Variants in SPACA9 observed in about 807,000 individuals in gnomAD.
SPACA9 encodes the protein sperm acrosome associated 9, also known as sperm acrosome-associated protein 9.
A neutral mutation model predicts 12.5 loss-of-function variants in SPACA9; 14 were observed. The observed-to-expected ratio is 1.12, with a 90% CI of 0.74 to 1.75. The LOEUF (loss-of-function observed/expected upper bound fraction) is 1.75. Among genes scored for constraint, SPACA9 ranks in the 40% most tolerant of loss-of-function variants. The pLI is 0.00. For synonymous variants in SPACA9, 111 were observed against 114.1 expected (o/e 0.97, Z 0.17); for missense variants, 292 against 291.9 (o/e 1.00, Z 0.00).
intron 2 of SPACA9, 27 bp downstream of exon 2, chr9:132,884,118 C>A (rs377550537): frequency 1.2e-5 from 19 of 1,605,100 alleles, no homozygotes; most frequent in Middle Eastern, 3.4e-4. Flanking sequence ...CCACCCCGGC[C>A]GAGGGGCAAC....
In SPACA9 at chr9:132,884,202, G is replaced by A. The variant is rs1377955419; in HGVS notation, c.144+111G>A. ...GGGAAGGACGTTTGCGCCAGAATTAGGACCCGGACCCAGAACCTAAATGAT... is the reference window on the plus strand; with the variant it reads ...GGGAAGGACGTTTGCGCCAGAATTAAGACCCGGACCCAGAACCTAAATGAT... On this transcript the variant is annotated intron_variant, in intron 2 of 3. Coordinates refer to ENST00000356311, the MANE Select transcript of SPACA9 (RefSeq NM_001316897.2). 3.6e-6 allele frequency: 4 copies of A among 1,126,076 alleles called. No homozygotes were observed. The Admixed American group carries it at 1.0e-4, about 29-fold the overall frequency. 69.8% of individuals were successfully genotyped at this position (1,126,076 alleles called of 1,614,324 possible).
rs200219145 is a variant in SPACA9 at position 132,887,327 on chromosome 9, G to A, written c.145-42G>A. 171 of 1,579,988 alleles carry A rather than the reference G, an allele frequency of 1.1e-4. No individual in the cohort carries two copies. The highest frequency in any genetic ancestry group is 1.3e-4 in the Non-Finnish European group (155 of 1,159,546). ...TTGCACCATAAGCCAGCCAGGACCC[G>A]GGTTGGCATGTCCCCAGCTCATGTG... On this transcript the variant is annotated intron_variant, in intron 2 of 3. Transcript: ENST00000356311. This position sits in a 1 kb window ranked among gnomAD's most constrained non-coding sequence, Gnocchi z 5.4.
chr9:132,884,169 C>A, intron 2 of SPACA9, 78 bp downstream of exon 2: 1 of 1,505,378 alleles, frequency 6.6e-7, no homozygotes, highest in Non-Finnish European at 9.1e-7. Context: ...CCACTGGGGC[C>A]CAGAGAGGGG....
At chr9:132,878,669 G>T, upstream of SPACA9, 1 of 998,382 alleles carries the variant, frequency 1.0e-6, no homozygotes, top group Non-Finnish European at 1.2e-6. The surrounding 1 kb of genome is among the most constrained non-coding windows in gnomAD (Gnocchi z 4.7). Context: ...ACAGACGCGG[G>T]AATAAATGTG....
chr9:132,882,470 T>TA (rs1844455005), intron 1 of SPACA9, among the ~76,000 whole-genome samples: 1 of 151,140 alleles, frequency 6.6e-6, no homozygotes, highest in African/African-American at 2.4e-5. Flanking sequence ...CTCTTTTTTT[T>TA]TTTTTTTTTT....
chr9:132,881,660 A>G (rs966761101), intron 1 of SPACA9, among the ~76,000 whole-genome samples: 1 of 137,442 alleles, frequency 7.3e-6, no homozygotes, highest in African/African-American at 2.5e-5. Flanking sequence ...CAGCTACTCA[A>G]GATGCTTTTT....
chr9:132,890,002 C>T lies in SPACA9; in HGVS notation c.*1391C>T, dbSNP rs1844710022. ...TTATTGTTGCTTCCTCAGGGGGAGA[C>T]AGTCAAGAATAAAAAGTATTCTACC... is the stretch of plus-strand genomic sequence containing the variant. On this transcript the variant is annotated 3_prime_UTR_variant, in exon 4 of 4. Coordinates refer to ENST00000356311, the MANE Select transcript of SPACA9 (RefSeq NM_001316897.2). 1.4e-6 allele frequency: 2 copies of T among 1,475,106 alleles called. No homozygotes were observed. The highest frequency in any genetic ancestry group is 1.8e-6 in the Non-Finnish European group (2 of 1,105,972). 91.4% of individuals were successfully genotyped at this position (1,475,106 alleles called of 1,614,324 possible). A position where few individuals can be genotyped will look rare whatever the true frequency, so the allele number is the denominator to read the frequency against.
At position 132,889,025 on chromosome 9, in the gene SPACA9, C is replaced by G. The variant is rs1435339785; in HGVS notation, c.*414C>G. On this transcript the variant is annotated 3_prime_UTR_variant, in exon 4 of 4. Coordinates refer to ENST00000356311, the MANE Select transcript of SPACA9 (RefSeq NM_001316897.2). ...CTCATGATCTACCCTCGTGATCGGC[C>G]TCCCAAAGTGCTGGGATTACAGGCG... 2.6e-5 allele frequency: 24 copies of G among 937,800 alleles called. No homozygotes were observed. The highest frequency in any genetic ancestry group is 5.2e-5 in the Admixed American group (1 of 19,180). 58.1% of individuals were successfully genotyped at this position (937,800 alleles called of 1,614,324 possible). A position where few individuals can be genotyped will look rare whatever the true frequency, so the allele number is the denominator to read the frequency against.
Position 132,884,002 on chromosome 9 carries a change from C to T in SPACA9, c.55C>T (p.Gln19Ter). 6.2e-7 allele frequency: 1 copy of T among 1,613,844 alleles called. No individual in the cohort carries two copies. The change falls in exon 2 of 4, where the codon CAG becomes TAG. Residue 19 changes from glutamine (Q) to a stop codon, truncating the protein, a stop_gained. Transcript: ENST00000356311. LOFTEE classifies it high-confidence loss of function. Reference sequence around the variant, plus strand: ...CATCGAGCAGAAGTACAAGCTCTTCCAGCAGCAGCAGCTCACCTTCACCGC... The same window carrying T: ...CATCGAGCAGAAGTACAAGCTCTTCTAGCAGCAGCAGCTCACCTTCACCGC... ...RSIEQKYKLF[Q>*]QQQLTFTAAL...
At chr9:132,890,186 G>A (rs1323375360), downstream of SPACA9, 2 of 375,286 alleles carry the variant, frequency 5.3e-6, no homozygotes, top group African/African-American at 4.2e-5. Context: ...CGGCTTCTAA[G>A]AGGCTCATGC....
rs201336905 is a variant in SPACA9 at position 132,887,138 on chromosome 9, T to C, written c.145-231T>C. On this transcript the variant is annotated intron_variant, in intron 2 of 3. Transcript: ENST00000356311. This position sits in a 1 kb window ranked among gnomAD's most constrained non-coding sequence, Gnocchi z 5.4. ...CGATCCATTAATTTCATATCATATC[T>C]ATCCATCCATCCATCCATCCATCCA... is the stretch of plus-strand genomic sequence containing the variant. Among the ~76,000 whole-genome samples the C allele has an allele frequency of 0.35, 52,827 of 148,950 alleles. 10,092 individuals carry two copies. Among genetic ancestry groups the C allele is most frequent in the South Asian group, 0.51 (2,319 of 4,574 alleles).
Position 132,887,266 on chromosome 9 carries a change from A to G in SPACA9, c.145-103A>G. On this transcript the variant is annotated intron_variant, in intron 2 of 3. Coordinates refer to ENST00000356311, the MANE Select transcript of SPACA9 (RefSeq NM_001316897.2). The surrounding 1 kb of genome is among the most constrained non-coding windows in gnomAD (Gnocchi z 5.4). ...CTTGCGTCTCCCCCATGAGTCATGT[A>G]GGGTGGGAGGGAGTAGGGTGGGTGC... 2.1e-6 allele frequency: 2 copies of G among 938,892 alleles called. No individual in the cohort carries two copies. The highest frequency in any genetic ancestry group is 1.7e-6 in the Non-Finnish European group (1 of 600,380). 58.2% of individuals were successfully genotyped at this position (938,892 alleles called of 1,614,324 possible).
rs912143076 is a variant in SPACA9, at chr9:132,888,130, G to A, written c.348-160G>A. ...TGGGGCTTGTGGCACCCCAGGCCTG[G>A]TCTGCCAGAATCTCTGGGGACAGAG... On this transcript the variant is annotated intron_variant, in intron 3 of 3. Transcript: ENST00000356311. The surrounding 1 kb of genome is among the most constrained non-coding windows in gnomAD (Gnocchi z 5.0). Among the ~76,000 whole-genome samples the A allele has an allele frequency of 6.6e-6, 1 of 152,178 alleles. No homozygotes were observed. Among genetic ancestry groups the A allele is most frequent in the Non-Finnish European group, 1.5e-5 (1 of 68,032 alleles).
At chr9:132,881,416 C>T (rs1416538105) in intron 1 of SPACA9, among the ~76,000 whole-genome samples, 1 of 150,786 alleles carries the variant, frequency 6.6e-6, no homozygotes, top group East Asian at 2.0e-4. Flanking sequence ...TGCAGTGAGT[C>T]GTGATCACAG....
At chr9:132,881,290 AAAAG>A (rs1320276434) in intron 1 of SPACA9, among the ~76,000 whole-genome samples, 4 of 144,436 alleles carry the variant, frequency 2.8e-5, no homozygotes, top group East Asian at 2.3e-4. Context: ...AAAAAGAAAA[AAAAG>A]AAGAAAAAAA....
chr9:132,887,493 C>T lies in SPACA9; in HGVS notation c.269C>T (p.Thr90Ile), dbSNP rs758810514. The change falls in exon 3 of 4, where the codon ACC (threonine) becomes ATC (isoleucine). Residue 90 changes from threonine to isoleucine, a missense_variant. Physicochemically the swap from Thr to Ile is moderately conservative, Grantham distance 89. Coordinates refer to ENST00000356311, the MANE Select transcript of SPACA9 (RefSeq NM_001316897.2). The surrounding 1 kb of genome is among the most constrained non-coding windows in gnomAD (Gnocchi z 5.4). ...CQHFEAVHSG[T>I]PVTNNLLEKC... The stretch of plus-strand genomic sequence containing the variant: ...CACTTTGAGGCCGTGCACTCTGGCA[C>T]CCCAGTCACCAACAACCTCCTGGAG... The T allele has an allele frequency of 9.3e-6, 15 of 1,614,080 alleles. No homozygotes were observed. The highest frequency in any genetic ancestry group is 3.3e-4 in the Middle Eastern group (2 of 6,062).
At chr9:132,881,783 T>A (rs1844435688) in intron 1 of SPACA9, among the ~76,000 whole-genome samples, 1 of 151,616 alleles carries the variant, frequency 6.6e-6, no homozygotes, top group Non-Finnish European at 1.5e-5. Context: ...TGCCTCAGCC[T>A]CCCAAAGTGC....
upstream of SPACA9, chr9:132,878,582 G>A (rs1174996259): frequency 9.0e-7 from 1 of 1,114,834 alleles, no homozygotes; most frequent in East Asian, 4.8e-5. The surrounding 1 kb of genome is among the most constrained non-coding windows in gnomAD (Gnocchi z 4.7). Flanking sequence ...CCGAGGGGAC[G>A]GGAGGCAGAA....
rs970730991 is a variant in SPACA9, at chr9:132,888,980, G to A, written c.*369G>A. The A allele has an allele frequency of 1.4e-6, 1 of 707,674 alleles. No individual in the cohort carries two copies. The highest frequency in any genetic ancestry group is 1.8e-6 in the Non-Finnish European group (1 of 557,696). The allele number at this position is 707,674 out of a possible 1,614,324, so 43.8% of individuals were successfully genotyped here. A position where few individuals can be genotyped will look rare whatever the true frequency, so the allele number is the denominator to read the frequency against. ...GACAGCGTTTCACCATGTTAGCCAG[G>A]ATGGTCTCAATCTCCTGACCTCATG... On this transcript the variant is annotated 3_prime_UTR_variant, in exon 4 of 4. Coordinates refer to ENST00000356311, the MANE Select transcript of SPACA9 (RefSeq NM_001316897.2). This position sits in a 1 kb window ranked among gnomAD's most constrained non-coding sequence, Gnocchi z 5.0.
Sources: gnomAD v4.1 joint callset for allele counts (sites outside exome capture counted in the v4.1 genomes callset) on GRCh38, gnomAD v4.1.1 for gene constraint, Gnocchi (gnomAD v3.1) non-coding constraint, MANE v1.5 for transcripts, NCBI Gene and HGNC (gene_info 2026-07-23, HGNC 2026-07-21) for gene names.